PRKN: variants seen among roughly 807,000 people sequenced by gnomAD.
The protein encoded by PRKN is E3 ubiquitin-protein ligase parkin.
Under a neutral mutation model 59.5 loss-of-function variants are expected in PRKN, and 56 were observed. The observed-to-expected ratio is 0.94, with a 90% CI of 0.76 to 1.18. The LOEUF is 1.18. Among genes scored for constraint, PRKN ranks in the 50% most tolerant of loss-of-function variants. The pLI is 0.00. For synonymous variants in PRKN, 250 were observed against 222.1 expected, an observed-to-expected ratio of 1.13 and a Z score of -1.12; for missense variants, 657 against 596.4, an observed-to-expected ratio of 1.10 and a Z score of -1.06.
At chr6:161,492,130 A>G (rs541357021) in intron 9 of PRKN, among the ~76,000 whole-genome samples, 1 of 120,038 alleles carries the variant, frequency 8.3e-6, no homozygotes, top group African/African-American at 2.5e-5. Context: ...TCACTCTATA[A>G]GTGAAAGCAC....
At chr6:161,422,729 A>C (rs185463706) in intron 9 of PRKN, among the ~76,000 whole-genome samples, 5 of 152,276 alleles carry the variant, frequency 3.3e-5, no homozygotes, top group African/African-American at 1.2e-4. Flanking sequence ...GGAAGAAAGG[A>C]AGGCAGGCAG....
intron 6 of PRKN, among the ~76,000 whole-genome samples, chr6:161,798,062 G>A (rs956828763): frequency 7.2e-5 from 11 of 152,268 alleles, no homozygotes; most frequent in African/African-American, 9.6e-5. Context: ...TTAATCGGGC[G>A]TGGTGGCACG....
chr6:162,689,391 T>C (rs1349514738), intron 1 of PRKN, among the ~76,000 whole-genome samples: 1 of 152,236 alleles, frequency 6.6e-6, no homozygotes. Flanking sequence ...CTAGGTATTC[T>C]TTACCTAGGC....
At chr6:161,524,523 T>G (rs1778950231) in intron 9 of PRKN, among the ~76,000 whole-genome samples, 1 of 152,032 alleles carries the variant, frequency 6.6e-6, no homozygotes, top group Admixed American at 6.6e-5. Flanking sequence ...TTTTTTTTAG[T>G]ATATTTGGTA....
intron 7 of PRKN, among the ~76,000 whole-genome samples, chr6:161,774,316 C>T (rs1281380168): frequency 1.3e-5 from 2 of 150,960 alleles, no homozygotes; most frequent in African/African-American, 2.4e-5. Context: ...GTTGACAGCC[C>T]GTTTGCTTTT....
chr6:161,869,739 T>G (rs1794268837), intron 6 of PRKN, among the ~76,000 whole-genome samples: 1 of 152,198 alleles, frequency 6.6e-6, no homozygotes, highest in Non-Finnish European at 1.5e-5. Flanking sequence ...TTCAGCTGTC[T>G]TCTCCCTTTT....
In PRKN at chr6:161,360,118, G is replaced by C. The variant is rs752418689; in HGVS notation, c.1255C>G (p.Pro419Ala). The C allele has an allele frequency of 6.2e-7, 1 of 1,613,962 alleles. No individual in the cohort carries two copies. The highest frequency in any genetic ancestry group is 8.5e-7 in the Non-Finnish European group (1 of 1,179,920). Residue 419 changes from proline (P) to alanine (A), a missense_variant, in exon 11 of 12, where the codon CCC (proline) becomes GCC (alanine). Physicochemically the swap from Pro to Ala is conservative, Grantham distance 27. Transcript: ENST00000366898. The surrounding 1 kb of genome is among the most constrained non-coding windows in gnomAD (Gnocchi z 5.1). ...ETIKKTTKPC[P>A]RCHVPVEKNG... ...TTTTCCACTGGTACATGGCAGCGGG[G>C]ACAGGGCTTGGTGGTTTTCTTGATG...
At chr6:161,806,290 A>T (rs1202668637) in intron 6 of PRKN, among the ~76,000 whole-genome samples, 3 of 152,052 alleles carry the variant, frequency 2.0e-5, no homozygotes, top group Non-Finnish European at 4.4e-5. Flanking sequence ...CCTGGAACTG[A>T]CGGGCCCTGA....
At chr6:161,624,442 C>A (rs1783014502) in intron 7 of PRKN, among the ~76,000 whole-genome samples, 1 of 152,202 alleles carries the variant, frequency 6.6e-6, no homozygotes, top group African/African-American at 2.4e-5. Flanking sequence ...TTTCTCATTG[C>A]CAAATGAATA....
At chr6:162,681,160 G>T (rs543485697) in intron 1 of PRKN, among the ~76,000 whole-genome samples, 1 of 152,076 alleles carries the variant, frequency 6.6e-6, no homozygotes, top group African/African-American at 2.4e-5. Flanking sequence ...ATGAAAAATC[G>T]TAAGAATGTG....
intron 3 of PRKN, among the ~76,000 whole-genome samples, chr6:162,240,657 C>T (rs529802081): frequency 6.6e-6 from 1 of 152,254 alleles, no homozygotes; most frequent in Admixed American, 6.5e-5. Flanking sequence ...CCTCCTTATT[C>T]ACAGCAAGGG....
At chr6:162,516,858 CCTA>C (rs2128192260) in intron 1 of PRKN, among the ~76,000 whole-genome samples, 2 of 152,108 alleles carry the variant, frequency 1.3e-5, no homozygotes, top group East Asian at 3.9e-4. Flanking sequence ...TTATTTGATG[CCTA>C]CTATATAGCT....
intron 3 of PRKN, among the ~76,000 whole-genome samples, chr6:162,220,075 G>A (rs1481156007): frequency 6.6e-6 from 1 of 152,032 alleles, no homozygotes; most frequent in East Asian, 1.9e-4. Flanking sequence ...ATATACAGAA[G>A]AATGAAATTC....
intron 1 of PRKN, among the ~76,000 whole-genome samples, chr6:162,581,857 C>G (rs1367162522): frequency 1.3e-5 from 2 of 152,080 alleles, no homozygotes. Flanking sequence ...CACATTTTCC[C>G]CTAATTTATC....
intron 7 of PRKN, among the ~76,000 whole-genome samples, chr6:161,601,623 C>A (rs1260889114): frequency 1.3e-5 from 2 of 149,818 alleles, no homozygotes; most frequent in Non-Finnish European, 3.0e-5. Context: ...CGCTCTGTAG[C>A]CCAGGCTGGA....
intron 1 of PRKN, among the ~76,000 whole-genome samples, chr6:162,556,368 T>TGCGTGTGCGTGTGC (rs1779588757): frequency 3.1e-5 from 3 of 98,054 alleles, no homozygotes; most frequent in African/African-American, 8.8e-5. Flanking sequence ...TGTGTGTGTG[T>TGCGTGTGCGTGTGC]GTGTGTGTGT....
Position 161,497,684 on chromosome 6 carries a change from C to T in PRKN, c.1083+51170G>A, listed in dbSNP as rs1174819549. ...CTCCTTTCCCTTTCAATTCAGAAGG[C>T]TAACTCTAGCTCAATTATCTCTTCC... On this transcript the variant is annotated intron_variant, in intron 9 of 11. Coordinates refer to ENST00000366898, the MANE Select transcript of PRKN (RefSeq NM_004562.3). The surrounding 1 kb of genome is among the most constrained non-coding windows in gnomAD (Gnocchi z 4.6). Among the ~76,000 whole-genome samples the T allele has an allele frequency of 2.0e-5, 3 of 152,080 alleles. No individual in the cohort carries two copies. The highest frequency in any genetic ancestry group is 7.2e-5 in the African/African-American group (3 of 41,400).
intron 5 of PRKN, among the ~76,000 whole-genome samples, chr6:162,041,973 T>C (rs548996925): frequency 6.6e-6 from 1 of 152,258 alleles, no homozygotes; most frequent in African/African-American, 2.4e-5. Context: ...ACACAAGGCC[T>C]TGCTGAGAAG....
intron 3 of PRKN, among the ~76,000 whole-genome samples, chr6:162,254,931 T>C (rs1779583366): frequency 6.6e-6 from 1 of 151,702 alleles, no homozygotes; most frequent in Admixed American, 6.6e-5. Context: ...ACAACGAAAA[T>C]GTAACACTCC....
Sources: gnomAD v4.1 joint callset for allele counts (sites outside exome capture counted in the v4.1 genomes callset) on GRCh38, gnomAD v4.1.1 for gene constraint, Gnocchi (gnomAD v3.1) non-coding constraint, MANE v1.5 for transcripts, NCBI Gene and HGNC (gene_info 2026-07-23, HGNC 2026-07-21) for gene names.